The following TSC22D1 variants were observed in gnomAD, a reference collection of about 807,000 sequenced individuals.
The protein encoded by TSC22D1 is TSC22 domain family member 1.
Under a neutral mutation model 74.2 loss-of-function variants are expected in TSC22D1, and 9 were observed. The ratio of observed to expected loss-of-function variants is 0.12; its 90% CI spans 0.07 to 0.21. The LOEUF is 0.21. Ranked by LOEUF, TSC22D1 falls within the 10% of genes least tolerant of loss-of-function variation. TSC22D1 has a pLI of 1.00. For synonymous variants in TSC22D1, 586 were observed against 492.5 expected, an observed-to-expected ratio of 1.19 and a Z score of -2.51; for missense variants, 1,427 against 1,304.7, an observed-to-expected ratio of 1.09 and a Z score of -1.44.
At chr13:44,550,165 G>C (rs548218047) in intron 1 of TSC22D1, among the ~76,000 whole-genome samples, 1 of 152,298 alleles carries the variant, frequency 6.6e-6, no homozygotes, top group Non-Finnish European at 1.5e-5. Context: ...AAAGTATGTG[G>C]AGTCTAGTTA....
At chr13:44,476,236 TC>T (rs1370672023) in intron 1 of TSC22D1, among the ~76,000 whole-genome samples, 1 of 152,218 alleles carries the variant, frequency 6.6e-6, no homozygotes, top group Non-Finnish European at 1.5e-5. Context: ...TATCCAACTT[TC>T]TACTTTAATA....
chr13:44,516,440 T>C (rs967502529), intron 1 of TSC22D1: 26 of 383,454 alleles, frequency 6.8e-5, no homozygotes, highest in Non-Finnish European at 1.2e-4. Context: ...AAAGGGGACT[T>C]CGGCATAAAG....
In TSC22D1 at chr13:44,434,386, G is replaced by A. The variant is rs1169766401; in HGVS notation, c.*240C>T. ...TCAGATATCTGCCAAGCTGCATGAG[G>A]TCCCGGTATATCCATGCTAATTCTC... On this transcript the variant is annotated 3_prime_UTR_variant, in exon 3 of 3. Transcript: ENST00000458659. 3.9e-5 allele frequency: 54 copies of A among 1,373,468 alleles called. No individual in the cohort carries two copies. Among genetic ancestry groups the A allele is most frequent in the Non-Finnish European group, 4.9e-5 (53 of 1,072,958 alleles). The allele number at this position is 1,373,468 out of a possible 1,614,324, so 85.1% of individuals were successfully genotyped here. A position where few individuals can be genotyped will look rare whatever the true frequency, so the allele number is the denominator to read the frequency against.
intron 1 of TSC22D1, among the ~76,000 whole-genome samples, chr13:44,517,829 G>GTATATA (rs1555269397): frequency 0.04 from 559 of 14,064 alleles, 74 homozygotes; most frequent in East Asian, 0.09. Context: ...GTGTGTGTGT[G>GTATATA]TATATATATA....
At chr13:44,459,585 G>C (rs1811947990) in intron 1 of TSC22D1, among the ~76,000 whole-genome samples, 1 of 152,202 alleles carries the variant, frequency 6.6e-6, no homozygotes, top group Non-Finnish European at 1.5e-5. Context: ...AACAGGGCTT[G>C]CCACATTGCA....
At chr13:44,558,424 A>ATG (rs1192937698) in intron 1 of TSC22D1, among the ~76,000 whole-genome samples, 15 of 152,294 alleles carry the variant, frequency 9.8e-5, no homozygotes, top group Non-Finnish European at 2.1e-4. Flanking sequence ...AAGAGGAGCT[A>ATG]AACAGTTGCC....
intron 1 of TSC22D1, among the ~76,000 whole-genome samples, chr13:44,440,109 A>G (rs1209780190): frequency 2.6e-5 from 4 of 152,230 alleles, no homozygotes; most frequent in African/African-American, 9.7e-5. Context: ...ATGAAACTAC[A>G]GGACTATCAG....
At chr13:44,492,708 G>C (rs1300696548) in intron 1 of TSC22D1, among the ~76,000 whole-genome samples, 1 of 152,112 alleles carries the variant, frequency 6.6e-6, no homozygotes, top group African/African-American at 2.4e-5. Flanking sequence ...GATGGGGCTG[G>C]GAGGAATACA....
intron 1 of TSC22D1, among the ~76,000 whole-genome samples, chr13:44,439,052 C>T (rs958754468): frequency 6.6e-6 from 1 of 152,182 alleles, no homozygotes; most frequent in Non-Finnish European, 1.5e-5. Flanking sequence ...TCATGCCGTT[C>T]TTCAACATAA....
Position 44,473,645 on chromosome 13 carries a change from T to C in TSC22D1, c.2913-37550A>G, listed in dbSNP as rs139156795. On this transcript the variant is annotated intron_variant, in intron 1 of 2. Transcript: ENST00000458659. ...TGTGTGTATATATTTAGCATAGATG[T>C]ATATATTTTTAAATTAAGCTAGTCA... Among the ~76,000 whole-genome samples the C allele has an allele frequency of 4.7e-4, 71 of 152,268 alleles. 3 individuals are homozygous for C. In the East Asian group the frequency reaches 0.013, roughly 28 times the overall value.
At chr13:44,497,623 C>T (rs1486571213) in intron 1 of TSC22D1, among the ~76,000 whole-genome samples, 1 of 152,182 alleles carries the variant, frequency 6.6e-6, no homozygotes, top group Non-Finnish European at 1.5e-5. Context: ...AAATTATCTT[C>T]AATTTCTTTT....
At chr13:44,570,706 T>C (rs1883705398) in intron 1 of TSC22D1, among the ~76,000 whole-genome samples, 1 of 152,218 alleles carries the variant, frequency 6.6e-6, no homozygotes, top group Non-Finnish European at 1.5e-5. Context: ...ATTATATTGT[T>C]AACACATTTC....
intron 1 of TSC22D1, among the ~76,000 whole-genome samples, chr13:44,556,323 G>A (rs1309940957): frequency 3.3e-5 from 5 of 151,740 alleles, no homozygotes; most frequent in Admixed American, 6.6e-5. Flanking sequence ...AAGGCAGATG[G>A]ATCACAAGGT....
chr13:44,555,652 C>T (rs1385527969), intron 1 of TSC22D1, among the ~76,000 whole-genome samples: 3 of 151,820 alleles, frequency 2.0e-5, no homozygotes, highest in African/African-American at 7.3e-5. Flanking sequence ...TACAGCCATC[C>T]TTGTCTTCAA....
At chr13:44,576,719 CCGGGGCGACGCGGCTGCGAG>C (rs935071260), upstream of TSC22D1, among the ~76,000 whole-genome samples, 1 of 151,558 alleles carries the variant, frequency 6.6e-6, no homozygotes, top group African/African-American at 2.4e-5. Flanking sequence ...GCGGCTGGGG[CCGGGGCGACGCGGCTGCGAG>C]CGGGGCGGCG....
intron 1 of TSC22D1, among the ~76,000 whole-genome samples, chr13:44,562,695 A>T (rs1052812776): frequency 6.6e-6 from 1 of 152,232 alleles, no homozygotes; most frequent in Admixed American, 6.5e-5. Context: ...AATCACTAAT[A>T]TAAGGAACCA....
At chr13:44,536,881 A>AC (rs770627827) in intron 1 of TSC22D1, 1 of 972,636 alleles carries the variant, frequency 1.0e-6, no homozygotes, top group East Asian at 1.2e-4. Context: ...TTCACTGGTG[A>AC]CCCCCACGAA....
At chr13:44,457,320 C>T (rs1223004824) in intron 1 of TSC22D1, among the ~76,000 whole-genome samples, 2 of 152,146 alleles carry the variant, frequency 1.3e-5, no homozygotes, top group Non-Finnish European at 2.9e-5. Context: ...TATATAAAAA[C>T]ACGCATTCAA....
chr13:44,445,360 ACG>A, intron 1 of TSC22D1, among the ~76,000 whole-genome samples: 1 of 151,750 alleles, frequency 6.6e-6, no homozygotes, highest in Non-Finnish European at 1.5e-5. Flanking sequence ...TCCATTCTTT[ACG>A]CCATATGAAA....
Sources: allele counts gnomAD v4.1 joint callset (sites outside exome capture counted in the v4.1 genomes callset), GRCh38; gene constraint gnomAD v4.1.1; transcripts MANE v1.5; gene names NCBI Gene and HGNC (gene_info 2026-07-23, HGNC 2026-07-21).